RBFOX1: variants seen among roughly 807,000 people sequenced by gnomAD.
The protein encoded by RBFOX1 is RNA binding protein fox-1 homolog 1.
Under a neutral mutation model 57.7 loss-of-function variants are expected in RBFOX1, and 8 were observed. The observed-to-expected ratio is 0.14, with a 90% confidence interval of 0.08 to 0.25. RBFOX1 has a LOEUF of 0.25. RBFOX1 is among the 10% of genes least tolerant of loss of function. The pLI is 1.00. For missense variants in RBFOX1, 611 were observed against 548.5 expected (o/e 1.11, Z -1.14); for synonymous variants, 326 against 222.4 (o/e 1.47, Z -4.15).
intron 3 of RBFOX1, among the ~76,000 whole-genome samples, chr16:6,795,758 T>C (rs1303962134): frequency 6.8e-6 from 1 of 146,166 alleles, no homozygotes; most frequent in Non-Finnish European, 1.5e-5. Context: ...AGAGTGAAAC[T>C]CCATCTAAAA....
At chr16:6,307,579 A>G (rs1210482449) in intron 1 of RBFOX1, among the ~76,000 whole-genome samples, 1 of 148,596 alleles carries the variant, frequency 6.7e-6, no homozygotes, top group East Asian at 1.9e-4. Flanking sequence ...AATATATAAT[A>G]GAGAAAATGA....
rs563033615 is a variant in RBFOX1 at position 5,724,321 on chromosome 16, C to A, written c.318+125360C>A. 2.0e-5 allele frequency among the ~76,000 whole-genome samples: 3 copies of A among 152,256 alleles called. 1 individual carries two copies. The highest frequency in any genetic ancestry group is 7.2e-5 in the African/African-American group (3 of 41,534). On this transcript the variant is annotated intron_variant, in intron 3 of 19. Transcript: ENST00000641259. ...ACCCTAAAGGCACGGTGGGATTGTC[C>A]TAAGCTGCTTTCACTGCCATTTGGG...
At chr16:5,477,744 T>G (rs536035674) in intron 2 of RBFOX1, among the ~76,000 whole-genome samples, 5 of 152,310 alleles carry the variant, frequency 3.3e-5, no homozygotes, top group East Asian at 3.9e-4. Context: ...ATTTCTGTTA[T>G]GGGTGCTTTA....
chr16:6,987,456 G>GACACACACACAC (rs199503873), intron 3 of RBFOX1, among the ~76,000 whole-genome samples: 11 of 135,418 alleles, frequency 8.1e-5, no homozygotes, highest in East Asian at 4.3e-4. Context: ...AAACTTTTCA[G>GACACACACACAC]ACACACACAC....
At chr16:7,024,500 A>G (rs1394317488) in intron 3 of RBFOX1, among the ~76,000 whole-genome samples, 3 of 152,192 alleles carry the variant, frequency 2.0e-5, no homozygotes, top group Non-Finnish European at 4.4e-5. Flanking sequence ...AATAAGCAGT[A>G]GTTATAGGCC....
intron 1 of RBFOX1, among the ~76,000 whole-genome samples, chr16:5,440,932 T>C (rs1423932532): frequency 6.6e-6 from 1 of 152,196 alleles, no homozygotes; most frequent in African/African-American, 2.4e-5. Flanking sequence ...AGAACTATGT[T>C]TTCCAGACTC....
At chr16:7,345,934 C>T (rs1375026432) in intron 4 of RBFOX1, among the ~76,000 whole-genome samples, 7 of 152,056 alleles carry the variant, frequency 4.6e-5, no homozygotes, top group South Asian at 2.1e-4. Context: ...CCCATTAACT[C>T]GTCATTTACA....
chr16:5,540,690 T>G (rs2044897928), intron 2 of RBFOX1, among the ~76,000 whole-genome samples: 1 of 152,172 alleles, frequency 6.6e-6, no homozygotes. Context: ...TCTCTGGCAC[T>G]GACATCACGG....
intron 4 of RBFOX1, among the ~76,000 whole-genome samples, chr16:7,398,267 G>A (rs1042353556): frequency 3.9e-5 from 6 of 152,160 alleles, no homozygotes; most frequent in Non-Finnish European, 2.9e-5. Flanking sequence ...TGAATCTTAT[G>A]TTTTTCTTTC....
intron 14 of RBFOX1, among the ~76,000 whole-genome samples, chr16:7,698,795 A>T (rs146961837): frequency 1.3e-5 from 2 of 152,188 alleles, no homozygotes; most frequent in South Asian, 2.1e-4. Flanking sequence ...GGAACTTAGG[A>T]AACATACTCC....
chr16:5,662,199 T>G (rs2049675756), intron 3 of RBFOX1, among the ~76,000 whole-genome samples: 1 of 152,220 alleles, frequency 6.6e-6, no homozygotes, highest in Non-Finnish European at 1.5e-5. Flanking sequence ...TGATATGGTC[T>G]GTTTGACTAT....
At chr16:5,680,107 G>A (rs2050286752) in intron 3 of RBFOX1, among the ~76,000 whole-genome samples, 1 of 152,174 alleles carries the variant, frequency 6.6e-6, no homozygotes, top group Admixed American at 6.5e-5. Context: ...CGTCAGAAGA[G>A]GGACATCATG....
At chr16:6,224,417 T>C (rs1345094889) in intron 1 of RBFOX1, among the ~76,000 whole-genome samples, 1 of 152,106 alleles carries the variant, frequency 6.6e-6, no homozygotes, top group Non-Finnish European at 1.5e-5. Context: ...AGGTCCTTCA[T>C]GTCCCTTGTA....
chr16:7,252,382 C>T (rs917457314), intron 4 of RBFOX1, among the ~76,000 whole-genome samples: 1 of 152,250 alleles, frequency 6.6e-6, no homozygotes. Flanking sequence ...AAAGGTTACA[C>T]ATCTGGCTGG....
Position 5,792,330 on chromosome 16 carries a change from C to T in RBFOX1, c.319-74973C>T, listed in dbSNP as rs556446709. Among the ~76,000 whole-genome samples the T allele has an allele frequency of 2.0e-5, 3 of 152,248 alleles. No homozygotes were observed. The South Asian group carries it at 6.2e-4, about 32-fold the overall frequency. On this transcript the variant is annotated intron_variant, in intron 3 of 19. Coordinates refer to the RBFOX1 transcript ENST00000641259. Reference sequence around the variant, plus strand: ...AGAGACAACATCACAGCTACATATACAGTTGACTCCTGCACAACATGAGTG... The same window carrying T: ...AGAGACAACATCACAGCTACATATATAGTTGACTCCTGCACAACATGAGTG...
At chr16:7,162,723 T>C (rs939921440) in intron 4 of RBFOX1, among the ~76,000 whole-genome samples, 1 of 151,950 alleles carries the variant, frequency 6.6e-6, no homozygotes, top group African/African-American at 2.4e-5. Context: ...AGTGAGACCG[T>C]AGCTCAAAAA....
chr16:6,628,889 G>C (rs1410018630), intron 2 of RBFOX1, among the ~76,000 whole-genome samples: 3 of 152,114 alleles, frequency 2.0e-5, no homozygotes, highest in East Asian at 1.9e-4. Context: ...AATTAGCCAG[G>C]TGTGGTGGCA....
chr16:5,846,320 C>T lies in RBFOX1; in HGVS notation c.319-20983C>T, dbSNP rs148340809. 7.9e-3 allele frequency among the ~76,000 whole-genome samples: 1,197 copies of T among 152,242 alleles called. 10 individuals carry two copies. The highest frequency in any genetic ancestry group is 0.013 in the Non-Finnish European group (857 of 68,016). Reference sequence around the variant, plus strand: ...AGGAGGAGGAGAAGAGGGCACCCCCCTCTTAAAGTCCATTCTTAACACAGT... The same window carrying T: ...AGGAGGAGGAGAAGAGGGCACCCCCTTCTTAAAGTCCATTCTTAACACAGT... On this transcript the variant is annotated intron_variant, in intron 3 of 19. Coordinates refer to the RBFOX1 transcript ENST00000641259.
At chr16:6,957,168 G>T (rs1568075405) in intron 3 of RBFOX1, among the ~76,000 whole-genome samples, 1 of 127,628 alleles carries the variant, frequency 7.8e-6, no homozygotes, top group Non-Finnish European at 1.7e-5. Context: ...GTCTTGCTCT[G>T]TCACCCAGGC....
Sources: gnomAD v4.1 joint callset for allele counts (sites outside exome capture counted in the v4.1 genomes callset) on GRCh38, gnomAD v4.1.1 for gene constraint, MANE v1.5 for transcripts, NCBI Gene and HGNC (gene_info 2026-07-23, HGNC 2026-07-21) for gene names.